The following ZFHX3 variants were observed in gnomAD, a reference collection of about 807,000 sequenced individuals.
The protein encoded by ZFHX3 is zinc finger homeobox protein 3.
ZFHX3 carries 42 observed loss-of-function variants against 279.1 expected under a neutral mutation model. The ratio of observed to expected loss-of-function variants is 0.15; its 90% CI spans 0.12 to 0.19. The LOEUF (loss-of-function observed/expected upper bound fraction) is 0.19, where lower values mean the gene tolerates loss of function less well. ZFHX3 is among the 10% of genes least tolerant of loss of function. ZFHX3 has a pLI of 1.00. For synonymous variants in ZFHX3, 2,293 were observed against 1,957.8 expected, an observed-to-expected ratio of 1.17 and a Z score of -4.52; for missense variants, 4,981 against 4,754.0, an observed-to-expected ratio of 1.05 and a Z score of -1.40.
At position 73,311,606 on chromosome 16, in the gene ZFHX3, AAAAAAAG is replaced by A. The variant is rs1228878564; in HGVS notation, c.-1194+6627_-1194+6633del. Among the ~76,000 whole-genome samples the A allele has an allele frequency of 5.7e-4, 83 of 145,348 alleles. 2 individuals are homozygous for A. Among genetic ancestry groups the A allele is most frequent in the Middle Eastern group, 3.4e-3 (1 of 292 alleles). On this transcript the variant is annotated intron_variant, in intron 4 of 17. Coordinates refer to the ZFHX3 transcript ENST00000641206. Reference sequence around the variant, plus strand: ...CTCCATCTCAAAAAAAAAAAAAAAAAAAAAAAGAAGTCACCAAAAGGCCAACAATGGT... The same window carrying A: ...CTCCATCTCAAAAAAAAAAAAAAAAAAAGTCACCAAAAGGCCAACAATGGT...
At chr16:73,153,062 T>G (rs1966986576) in intron 5 of ZFHX3, among the ~76,000 whole-genome samples, 1 of 152,046 alleles carries the variant, frequency 6.6e-6, no homozygotes, top group Non-Finnish European at 1.5e-5. Context: ...TTTTAGCATC[T>G]CCTCAGGAAG....
At chr16:72,883,118 C>G (rs2038535836) in intron 4 of ZFHX3, among the ~76,000 whole-genome samples, 2 of 150,528 alleles carry the variant, frequency 1.3e-5, no homozygotes, top group Admixed American at 6.7e-5. Context: ...AATATGTAAT[C>G]AGAAGCCATC....
At chr16:73,318,156 A>G (rs1366694756) in intron 4 of ZFHX3, 1 of 152,184 alleles carries the variant, frequency 6.6e-6, no homozygotes, top group Non-Finnish European at 1.5e-5. Context: ...TGCTCGGGGA[A>G]ATGGAGAAGG....
intron 1 of ZFHX3, among the ~76,000 whole-genome samples, chr16:73,710,746 G>C (rs1452050761): frequency 6.6e-6 from 1 of 152,118 alleles, no homozygotes; most frequent in Non-Finnish European, 1.5e-5. Context: ...CATCAAACAA[G>C]AATAATTGAC....
Position 73,559,414 on chromosome 16 carries a change from G to A in ZFHX3, c.-1546-103156C>T, listed in dbSNP as rs540437947. On this transcript the variant is annotated intron_variant, in intron 2 of 17. Transcript: ENST00000641206. ...GCTCACTGAAAGACACTGCGTTTAGGTGATGGCATTAGCTGTGCAACACTG... is the reference window on the plus strand; with the variant it reads ...GCTCACTGAAAGACACTGCGTTTAGATGATGGCATTAGCTGTGCAACACTG... 8.0e-4 allele frequency among the ~76,000 whole-genome samples: 122 copies of A among 152,212 alleles called. No individual in the cohort carries two copies. The South Asian group carries it at 8.7e-3, about 11-fold the overall frequency.
At chr16:73,145,471 T>C (rs1328308858) in intron 5 of ZFHX3, among the ~76,000 whole-genome samples, 1 of 152,206 alleles carries the variant, frequency 6.6e-6, no homozygotes, top group Admixed American at 6.5e-5. Context: ...GGCGATTGGC[T>C]TTATTGGAAA....
intron 1 of ZFHX3, among the ~76,000 whole-genome samples, chr16:73,043,176 A>G (rs1250368882): frequency 6.6e-6 from 1 of 152,206 alleles, no homozygotes; most frequent in East Asian, 1.9e-4. Flanking sequence ...CAAAGAACAC[A>G]CAGCAGAACC....
intron 3 of ZFHX3, among the ~76,000 whole-genome samples, chr16:72,892,894 C>A (rs1264291163): frequency 6.6e-6 from 1 of 152,272 alleles, no homozygotes; most frequent in East Asian, 1.9e-4. Flanking sequence ...GGATGGGATG[C>A]ACTGAGGCAG....
intron 5 of ZFHX3, among the ~76,000 whole-genome samples, chr16:73,175,036 C>A (rs775582743): frequency 1.3e-5 from 2 of 150,590 alleles, no homozygotes; most frequent in African/African-American, 2.4e-5. Flanking sequence ...TCAAAACCAA[C>A]CAACCAACCA....
intron 7 of ZFHX3, among the ~76,000 whole-genome samples, chr16:72,803,572 A>G (rs778743954): frequency 6.6e-6 from 1 of 152,166 alleles, no homozygotes; most frequent in Non-Finnish European, 1.5e-5. Flanking sequence ...TCTGGCCGCA[A>G]TCCTACAATG....
rs537280652 is a variant in ZFHX3 at position 73,691,159 on chromosome 16, A to G, written c.-1607-10919T>C. On this transcript the variant is annotated intron_variant, in intron 1 of 17. Transcript: ENST00000641206. Reference sequence around the variant, plus strand: ...TCTTGCTGCTGCCGCTATTCTTGTTATATAAGTTCGCCAATCAAAACAAGT... The same window carrying G: ...TCTTGCTGCTGCCGCTATTCTTGTTGTATAAGTTCGCCAATCAAAACAAGT... Among the ~76,000 whole-genome samples, 12 of 152,338 alleles carry G rather than the reference A, an allele frequency of 7.9e-5. No individual in the cohort carries two copies. The South Asian group carries it at 1.0e-3, about 13-fold the overall frequency.
chr16:73,150,103 C>T (rs573585428), intron 5 of ZFHX3, among the ~76,000 whole-genome samples: 37 of 152,290 alleles, frequency 2.4e-4, no homozygotes, highest in African/African-American at 7.7e-4. Context: ...TTTTCCACCA[C>T]TGTCAACAGA....
At chr16:73,279,315 C>T (rs1363846844) in intron 4 of ZFHX3, among the ~76,000 whole-genome samples, 2 of 151,892 alleles carry the variant, frequency 1.3e-5, no homozygotes, top group Non-Finnish European at 2.9e-5. Flanking sequence ...AAGTAAAATA[C>T]CCATAAATTA....
intron 2 of ZFHX3, among the ~76,000 whole-genome samples, chr16:73,488,320 G>A (rs982065610): frequency 1.3e-5 from 2 of 152,296 alleles, no homozygotes; most frequent in South Asian, 4.1e-4. Flanking sequence ...AGGAGGGACA[G>A]CCTACTATAG....
intron 1 of ZFHX3, among the ~76,000 whole-genome samples, chr16:73,734,691 C>T (rs2053595000): frequency 6.6e-6 from 1 of 151,852 alleles, no homozygotes; most frequent in Non-Finnish European, 1.5e-5. Flanking sequence ...ACAATTTCAA[C>T]CAAAATATGA....
At chr16:73,163,176 T>A (rs1967279712) in intron 5 of ZFHX3, among the ~76,000 whole-genome samples, 1 of 152,186 alleles carries the variant, frequency 6.6e-6, no homozygotes, top group Admixed American at 6.5e-5. Context: ...CTATTCACAA[T>A]AAATATACAA....
intron 4 of ZFHX3, among the ~76,000 whole-genome samples, chr16:73,295,183 C>G (rs1343214806): frequency 6.6e-6 from 1 of 152,148 alleles, no homozygotes; most frequent in East Asian, 1.9e-4. Flanking sequence ...CCACTGCACT[C>G]CAGCCTGGGG....
chr16:73,044,741 C>G (rs1251133360), intron 1 of ZFHX3, among the ~76,000 whole-genome samples: 1 of 152,170 alleles, frequency 6.6e-6, no homozygotes, highest in Admixed American at 6.5e-5. Flanking sequence ...CCTGCCTCGG[C>G]CTCCTGAGTA....
intron 1 of ZFHX3, among the ~76,000 whole-genome samples, chr16:73,858,768 G>A (rs919664236): frequency 6.6e-6 from 1 of 152,088 alleles, no homozygotes; most frequent in African/African-American, 2.4e-5. Context: ...TTTAATACGG[G>A]GTTTTCAGGT....
Sources: gnomAD v4.1 joint callset for allele counts (sites outside exome capture counted in the v4.1 genomes callset) on GRCh38, gnomAD v4.1.1 for gene constraint, MANE v1.5 for transcripts, NCBI Gene and HGNC (gene_info 2026-07-23, HGNC 2026-07-21) for gene names.